SENP1: variants seen among roughly 807,000 people sequenced by gnomAD.
SENP1 encodes the protein SUMO specific peptidase 1.
SENP1 carries 21 observed loss-of-function variants against 93.0 expected under a neutral mutation model. The ratio of observed to expected loss-of-function variants is 0.23; its 90% confidence interval spans 0.16 to 0.33. The LOEUF is 0.33. Ranked by LOEUF, SENP1 falls within the 10% of genes least tolerant of loss-of-function variation. SENP1 has a pLI of 1.00. For synonymous variants in SENP1, 256 were observed against 259.6 expected (o/e 0.99, Z 0.13); for missense variants, 591 against 758.7 (o/e 0.78, Z 2.60).
intron 1 of SENP1, 91 bp downstream of exon 1, chr12:48,105,937 C>T: frequency 1.5e-6 from 1 of 687,280 alleles, no homozygotes. Flanking sequence ...CCGCCCAGTC[C>T]AGCCCGGGCC....
chr12:48,098,718 G>A (rs546590652), intron 2 of SENP1, among the ~76,000 whole-genome samples: 5 of 151,788 alleles, frequency 3.3e-5, no homozygotes, highest in African/African-American at 9.7e-5. Context: ...AGCTGAGGCA[G>A]GAGGACTGTT....
Position 48,066,958 on chromosome 12 carries a change from A to C in SENP1, c.1003T>G (p.Phe335Val). 1.3e-6 allele frequency: 2 copies of C among 1,561,806 alleles called. No homozygotes were observed. The highest frequency in any genetic ancestry group is 1.7e-6 in the Non-Finnish European group (2 of 1,151,362). ...TTGATCCACAGCTCTGCCTGGAAGAAAGTAGAACTATGGGTAGGAAAAGAA... is the reference window on the plus strand; with the variant it reads ...TTGATCCACAGCTCTGCCTGGAAGACAGTAGAACTATGGGTAGGAAAAGAA... ...DSQTPTPSST[F>V]FQAELWIKEL... Residue 335 changes from phenylalanine to valine, a missense_variant, in exon 10 of 18, where the codon TTC (phenylalanine) becomes GTC (valine). Around this residue, in one of 4 missense-constraint regions of SENP1, gnomAD observed 238 missense variants for 259.1 expected, o/e 0.92. Transcript: ENST00000549518.
At chr12:48,075,175 C>T (rs1017518516) in intron 6 of SENP1, among the ~76,000 whole-genome samples, 4 of 151,930 alleles carry the variant, frequency 2.6e-5, no homozygotes, top group African/African-American at 4.8e-5. Flanking sequence ...AAGATGGTGC[C>T]ACTACACTCC....
In SENP1 at chr12:48,074,615, G is replaced by A; in HGVS notation, c.657-8C>T. On this transcript the variant is annotated splice_polypyrimidine_tract_variant and splice_region_variant and intron_variant, in intron 7 of 17. Transcript: ENST00000549518. ...GAACTAAGACATCGAGACCTAGCAA[G>A]AGAAGAATATTGTTTCAATATCAAG... The A allele has an allele frequency of 6.2e-7, 1 of 1,610,360 alleles. No individual in the cohort carries two copies. Among genetic ancestry groups the A allele is most frequent in the Non-Finnish European group, 8.5e-7 (1 of 1,177,606 alleles).
At chr12:48,091,419 C>T (rs976903871) in intron 4 of SENP1, among the ~76,000 whole-genome samples, 3 of 150,818 alleles carry the variant, frequency 2.0e-5, no homozygotes, top group Admixed American at 2.0e-4. Flanking sequence ...CACTGCACTC[C>T]AGCCTGGGCG....
intron 6 of SENP1, among the ~76,000 whole-genome samples, chr12:48,078,317 T>TTATATATATATATATATA (rs370021236): frequency 0.014 from 1,009 of 70,652 alleles, 111 homozygotes; most frequent in Middle Eastern, 0.043. Flanking sequence ...CTGTAGGATT[T>TTATATATATATATATATA]TATATATATA....
At position 48,049,001 on chromosome 12, in the gene SENP1, T is replaced by C. The variant is rs748417955; in HGVS notation, c.1539A>G (p.Thr513=). 3.7e-6 allele frequency: 6 copies of C among 1,613,812 alleles called. 1 individual carries two copies. The South Asian group carries it at 6.6e-5, about 18-fold the overall frequency. The change falls in exon 14 of 18, where the codon ACA becomes ACG. Residue 513 remains threonine (T), a synonymous_variant. Coordinates refer to ENST00000549518, the MANE Select transcript of SENP1 (RefSeq NM_001267594.2). ...CAACAGAAAATACATCTACTTTCTT[T>C]GTCCAACGTTTCACTGCCTGATAAC... ...TAGYQAVKRW[T]KKVDVFSVDI... is the part of the protein sequence containing the mutation.
At chr12:48,084,079 G>A (rs767566587) in intron 5 of SENP1, among the ~76,000 whole-genome samples, 18 of 152,174 alleles carry the variant, frequency 1.2e-4, no homozygotes, top group African/African-American at 2.9e-4. Flanking sequence ...CAGATTAGAT[G>A]TCTTCAAAAA....
chr12:48,050,922 G>C (rs114921129), intron 13 of SENP1, among the ~76,000 whole-genome samples: 1,681 of 152,206 alleles, frequency 0.011, 31 homozygotes, highest in African/African-American at 0.038. Flanking sequence ...CCTTCCATAG[G>C]GGCAGACAGC....
At chr12:48,079,746 A>C (rs774724953) in intron 6 of SENP1, among the ~76,000 whole-genome samples, 66 of 145,882 alleles carry the variant, frequency 4.5e-4, no homozygotes, top group Non-Finnish European at 8.1e-4. Flanking sequence ...ATAAAACTTT[A>C]ATAGAGAGCA....
intron 5 of SENP1, among the ~76,000 whole-genome samples, chr12:48,084,895 C>T (rs1944743834): frequency 6.6e-6 from 1 of 152,178 alleles, no homozygotes; most frequent in African/African-American, 2.4e-5. Context: ...ATGAAATCAA[C>T]TCTTTAAAAT....
intron 6 of SENP1, among the ~76,000 whole-genome samples, chr12:48,082,242 C>T (rs1944542807): frequency 6.6e-6 from 1 of 152,160 alleles, no homozygotes; most frequent in South Asian, 2.1e-4. Context: ...AACCATATCA[C>T]AAATAATCAA....
intron 6 of SENP1, among the ~76,000 whole-genome samples, chr12:48,075,450 T>C (rs1438902671): frequency 6.6e-6 from 1 of 152,178 alleles, no homozygotes; most frequent in Non-Finnish European, 1.5e-5. Context: ...ACAAATCCCT[T>C]GACTCCTGAA....
rs766623928 is a variant in SENP1 at position 48,083,764 on chromosome 12, TAA to T, written c.381-4_381-3del. On this transcript the variant is annotated splice_region_variant and splice_polypyrimidine_tract_variant and intron_variant, in intron 5 of 17. Transcript: ENST00000549518. ...CCCGCAAAACTGTTTGATAATCCAC[TAA>T]AAAAAGAGTTTGTAAGAAAGATAAG... The T allele has an allele frequency of 3.8e-6, 6 of 1,586,716 alleles. No individual in the cohort carries two copies. The highest frequency in any genetic ancestry group is 5.1e-6 in the Non-Finnish European group (6 of 1,168,786).
intron 13 of SENP1, among the ~76,000 whole-genome samples, chr12:48,052,793 C>G (rs1485096264): frequency 6.6e-6 from 1 of 152,086 alleles, no homozygotes; most frequent in Non-Finnish European, 1.5e-5. Flanking sequence ...TTGCATAAAT[C>G]CCTGGTTAAT....
At chr12:48,081,990 G>A (rs1235362613) in intron 6 of SENP1, among the ~76,000 whole-genome samples, 5 of 152,066 alleles carry the variant, frequency 3.3e-5, no homozygotes, top group Non-Finnish European at 5.9e-5. Flanking sequence ...CTGGGTTCAC[G>A]CCATTCTCCT....
intron 4 of SENP1, 57 bp from the exon 5 acceptor site, chr12:48,089,017 G>A: frequency 1.3e-6 from 2 of 1,558,356 alleles, no homozygotes; most frequent in Non-Finnish European, 1.7e-6. Context: ...TTCTCCTTAT[G>A]ACTGCAACCA....
intron 5 of SENP1, among the ~76,000 whole-genome samples, chr12:48,084,733 C>G (rs971112015): frequency 6.6e-6 from 1 of 152,164 alleles, no homozygotes; most frequent in African/African-American, 2.4e-5. Context: ...CACATGTGAG[C>G]CACAGCACCC....
intron 16 of SENP1, 24 bp downstream of exon 16, chr12:48,046,954 T>C (rs775601542): frequency 1.3e-6 from 2 of 1,535,736 alleles, no homozygotes; most frequent in South Asian, 1.1e-5. Flanking sequence ...TTTAGGACTT[T>C]TATTTCATCA....
Sources: allele counts gnomAD v4.1 joint callset (sites outside exome capture counted in the v4.1 genomes callset), GRCh38; gene constraint gnomAD v4.1.1; regional missense constraint gnomAD v4.1.1; transcripts MANE v1.5; gene names NCBI Gene and HGNC (gene_info 2026-07-23, HGNC 2026-07-21).